KCTD9: variants seen among roughly 807,000 people sequenced by gnomAD.
KCTD9 encodes the protein BTB/POZ domain-containing protein KCTD9.
In KCTD9, 17 loss-of-function variants were observed where a neutral mutation model predicts 53.3. That is an observed-to-expected ratio of 0.32 (90% confidence interval 0.22 to 0.48). The LOEUF is 0.48. KCTD9 is among the 20% of genes least tolerant of loss of function. The pLI, the probability that KCTD9 is intolerant of heterozygous loss-of-function variation, is 0.99. For missense variants in KCTD9, 179 were observed against 465.5 expected, an observed-to-expected ratio of 0.38 and a Z score of 5.66; for synonymous variants, 128 against 162.7, an observed-to-expected ratio of 0.79 and a Z score of 1.62.
intron 1 of KCTD9, among the ~76,000 whole-genome samples, chr8:25,456,573 A>C (rs778228972): frequency 2.0e-5 from 3 of 152,154 alleles, no homozygotes; most frequent in Non-Finnish European, 4.4e-5. Context: ...TTGTAACATA[A>C]ACATATTTAT....
In KCTD9 at chr8:25,428,441, T is replaced by G. The variant is rs1375919833; in HGVS notation, c.*1416A>C. The stretch of plus-strand genomic sequence containing the variant: ...GAATAAGCTACGTAAATACTAAAGA[T>G]ATGTCATTCTCCCAAAGGAGACACA... On this transcript the variant is annotated 3_prime_UTR_variant, in exon 12 of 12. Transcript: ENST00000221200. The G allele has an allele frequency of 6.6e-6, 1 of 152,508 alleles. No individual in the cohort carries two copies. Among genetic ancestry groups the G allele is most frequent in the Non-Finnish European group, 1.5e-5 (1 of 67,990 alleles). The allele number at this position is 152,508 out of a possible 1,614,324, so 9.4% of individuals were successfully genotyped here. A position where few individuals can be genotyped will look rare whatever the true frequency, so the allele number is the denominator to read the frequency against.
chr8:25,447,310 C>G (rs1489401493), intron 1 of KCTD9, among the ~76,000 whole-genome samples: 1 of 152,076 alleles, frequency 6.6e-6, no homozygotes, highest in East Asian at 1.9e-4. Context: ...TTGCTTGAAC[C>G]CAGGAGGCAG....
rs752665624 is a variant in KCTD9, at chr8:25,429,950, A to G, written c.1077T>C (p.Asp359=). ...DLENCDLSGC[D]LQEANLRGSN... is the part of the protein sequence containing the mutation. ...ACCCTCTCAGGTTGGCTTCTTGAAGATCACACCCAGACAGATCACAATTCT... is the reference window on the plus strand; with the variant it reads ...ACCCTCTCAGGTTGGCTTCTTGAAGGTCACACCCAGACAGATCACAATTCT... The change falls in exon 12 of 12, where the codon GAT becomes GAC. Residue 359 remains aspartate, a synonymous_variant. Transcript: ENST00000221200. The G allele has an allele frequency of 1.2e-5, 20 of 1,600,848 alleles. No homozygotes were observed. The South Asian group carries it at 2.0e-4, about 16-fold the overall frequency.
At chr8:25,446,360 G>A (rs188722125) in intron 1 of KCTD9, 110 bp from the exon 2 acceptor site, 16 of 1,279,338 alleles carry the variant, frequency 1.3e-5, no homozygotes, top group Admixed American at 2.2e-5. Context: ...TATAAAAGGA[G>A]ACTTCAAAAG....
intron 1 of KCTD9, among the ~76,000 whole-genome samples, chr8:25,456,009 T>C (rs1263746502): frequency 3.4e-4 from 51 of 152,202 alleles, no homozygotes; most frequent in Non-Finnish European, 4.4e-5. Flanking sequence ...CATAGCCCTC[T>C]CTCCAACGTC....
chr8:25,436,930 G>T (rs948363035), intron 6 of KCTD9, among the ~76,000 whole-genome samples: 3 of 152,220 alleles, frequency 2.0e-5, no homozygotes, highest in Admixed American at 1.3e-4. Flanking sequence ...TCAGTTGGCT[G>T]TTGACTCAGT....
At chr8:25,432,417 C>T (rs541041017) in intron 11 of KCTD9, 87 bp downstream of exon 11, 2 of 1,194,964 alleles carry the variant, frequency 1.7e-6, no homozygotes, top group East Asian at 4.9e-5. Flanking sequence ...TACCAGCCAA[C>T]TACTTTGTTT....
In KCTD9 at chr8:25,436,458, C is replaced by T; in HGVS notation, c.527G>A (p.Gly176Asp). ...TAGGTGTTCAATCAATGAGTCAATA[C>T]CAAAAAATCTTGCTTCTTCTAACAC... ...LGVLEEARFF[G>D]IDSLIEHLEV... Residue 176 changes from glycine (G) to aspartate (D), a missense_variant, in exon 7 of 12, where the codon GGT becomes GAT. This residue lies in a region of KCTD9 where 115 missense variants were observed against 250.9 expected (regional missense o/e 0.46). Transcript: ENST00000221200. 1 of 1,578,166 alleles carries T rather than the reference C, an allele frequency of 6.3e-7. No homozygotes were observed. The highest frequency in any genetic ancestry group is 8.5e-7 in the Non-Finnish European group (1 of 1,171,408).
At chr8:25,445,999 G>A (rs1406116637) in intron 2 of KCTD9, 130 bp downstream of exon 2, 14 of 1,185,606 alleles carry the variant, frequency 1.2e-5, no homozygotes, top group Non-Finnish European at 1.6e-5. Context: ...ATTCCAAAGA[G>A]CAAATTCTAG....
rs1396218736 is a variant in KCTD9, at chr8:25,429,712, C to T, written c.*145G>A. ...AGTCAGTTTTTTCCCTTATGCACCA[C>T]TCAAAACAAGCATAATCCTCTAAAT... On this transcript the variant is annotated 3_prime_UTR_variant, in exon 12 of 12. Coordinates refer to ENST00000221200, the MANE Select transcript of KCTD9 (RefSeq NM_017634.4). 4.8e-6 allele frequency: 3 copies of T among 629,986 alleles called. No individual in the cohort carries two copies. Among genetic ancestry groups the T allele is most frequent in the Non-Finnish European group, 8.7e-6 (3 of 343,904 alleles). 39.0% of individuals were successfully genotyped at this position (629,986 alleles called of 1,614,324 possible).
chr8:25,448,640 C>A (rs755163885), intron 1 of KCTD9, among the ~76,000 whole-genome samples: 2 of 152,132 alleles, frequency 1.3e-5, no homozygotes, highest in Non-Finnish European at 2.9e-5. Context: ...TAGGGCTGGG[C>A]GCGGTGGCTC....
At chr8:25,451,482 T>C (rs886198688) in intron 1 of KCTD9, 1 of 152,236 alleles carries the variant, frequency 6.6e-6, no homozygotes, top group South Asian at 2.1e-4. Flanking sequence ...GTATGTGTTA[T>C]CTCCACCATG....
intron 1 of KCTD9, among the ~76,000 whole-genome samples, chr8:25,453,212 C>T (rs994539566): frequency 6.6e-6 from 1 of 151,922 alleles, no homozygotes; most frequent in Non-Finnish European, 1.5e-5. Context: ...CAAAAATTAG[C>T]TGGGAGTGGT....
intron 11 of KCTD9, among the ~76,000 whole-genome samples, chr8:25,431,726 C>T (rs1488314745): frequency 6.6e-6 from 1 of 151,972 alleles, no homozygotes; most frequent in African/African-American, 2.4e-5. Context: ...TTGAAAGGGG[C>T]CTGCTACTCT....
At chr8:25,443,858 T>C (rs536619568) in intron 3 of KCTD9, among the ~76,000 whole-genome samples, 1 of 152,296 alleles carries the variant, frequency 6.6e-6, no homozygotes, top group South Asian at 2.1e-4. Flanking sequence ...GTGTGTGTGG[T>C]TGATACCAAG....
At position 25,429,786 on chromosome 8, in the gene KCTD9, G is replaced by A. The variant is rs1021864536; in HGVS notation, c.*71C>T. 2 of 781,838 alleles carry A rather than the reference G, an allele frequency of 2.6e-6. No individual in the cohort carries two copies. The highest frequency in any genetic ancestry group is 2.5e-5 in the East Asian group (1 of 40,666). 48.4% of individuals were successfully genotyped at this position (781,838 alleles called of 1,614,324 possible). A position where few individuals can be genotyped will look rare whatever the true frequency, so the allele number is the denominator to read the frequency against. On this transcript the variant is annotated 3_prime_UTR_variant, in exon 12 of 12. Coordinates refer to ENST00000221200, the MANE Select transcript of KCTD9 (RefSeq NM_017634.4). The stretch of plus-strand genomic sequence containing the variant: ...AGTGTTATTTCTTCTAGACAACTGA[G>A]TGGGTGGAGAAAGAAAAGTGATAAG...
chr8:25,447,303 C>T (rs957956665), intron 1 of KCTD9, among the ~76,000 whole-genome samples: 1 of 152,102 alleles, frequency 6.6e-6, no homozygotes, highest in African/African-American at 2.4e-5. Context: ...ATGAGAATTG[C>T]TTGAACCCAG....
chr8:25,435,006 G>T, intron 9 of KCTD9, among the ~76,000 whole-genome samples: 1 of 152,074 alleles, frequency 6.6e-6, no homozygotes, highest in East Asian at 1.9e-4. Context: ...TCCCATTCCA[G>T]AAATGAGGCT....
At chr8:25,440,058 TG>T (rs962024200) in intron 4 of KCTD9, among the ~76,000 whole-genome samples, 8 of 132,324 alleles carry the variant, frequency 6.0e-5, no homozygotes, top group South Asian at 2.5e-4. Flanking sequence ...CTAAAAAGCA[TG>T]TTTTTTTTTT....
Sources: allele counts gnomAD v4.1 joint callset (sites outside exome capture counted in the v4.1 genomes callset), GRCh38; gene constraint gnomAD v4.1.1; regional missense constraint gnomAD v4.1.1; transcripts MANE v1.5; gene names NCBI Gene and HGNC (gene_info 2026-07-23, HGNC 2026-07-21).